Variants in RAB27A observed in about 807,000 individuals in gnomAD.
The protein encoded by RAB27A is ras-related protein Rab-27A.
Under a neutral mutation model 20.8 loss-of-function variants are expected in RAB27A, and 17 were observed. The observed-to-expected ratio is 0.82, with a 90% CI of 0.56 to 1.23. The LOEUF (loss-of-function observed/expected upper bound fraction) is 1.23, where lower values mean the gene tolerates loss of function less well. Among genes scored for constraint, RAB27A ranks in the 50% most tolerant of loss-of-function variants. The pLI is 0.00. For synonymous variants in RAB27A, 85 were observed against 92.8 expected (o/e 0.92, Z 0.48); for missense variants, 277 against 266.7 (o/e 1.04, Z -0.27).
At chr15:55,297,744 T>C (rs1192736484) in intron 2 of RAB27A, among the ~76,000 whole-genome samples, 1 of 152,234 alleles carries the variant, frequency 6.6e-6, no homozygotes, top group African/African-American at 2.4e-5. Context: ...CAGCCAGCCC[T>C]GATAGTAGTA....
rs985695703 is a variant in RAB27A, at chr15:55,316,547, TTACAAACC to T, written c.-234+2376_-234+2383del. Among the ~76,000 whole-genome samples the T allele has an allele frequency of 1.5e-4, 23 of 151,810 alleles. 1 individual carries two copies. Among genetic ancestry groups the T allele is most frequent in the African/African-American group, 5.6e-4 (23 of 41,286 alleles). ...ACACCATGGCACATGTATATCTATG[TTACAAACC>T]TGCACGTTCAGCACATGTATCCCAG... On this transcript the variant is annotated intron_variant, in intron 1 of 5. Coordinates refer to the RAB27A transcript ENST00000563262.
intron 3 of RAB27A, among the ~76,000 whole-genome samples, chr15:55,233,613 G>A (rs1896134540): frequency 6.6e-6 from 1 of 152,154 alleles, no homozygotes; most frequent in African/African-American, 2.4e-5. Context: ...TATGGTGTGT[G>A]CAGAAGCCAT....
At chr15:55,309,813 CT>C (rs1301110523) in intron 2 of RAB27A, among the ~76,000 whole-genome samples, 1 of 152,094 alleles carries the variant, frequency 6.6e-6, no homozygotes, top group African/African-American at 2.4e-5. Flanking sequence ...GGTTTCTGTA[CT>C]CCTAAAATTG....
chr15:55,258,972 G>A (rs766680428), intron 2 of RAB27A, among the ~76,000 whole-genome samples: 4 of 151,952 alleles, frequency 2.6e-5, no homozygotes, highest in African/African-American at 9.7e-5. Context: ...CTACAAGCAC[G>A]CACCACCATA....
chr15:55,287,762 A>T (rs1189278749), intron 1 of RAB27A, among the ~76,000 whole-genome samples: 2 of 152,180 alleles, frequency 1.3e-5, no homozygotes, highest in East Asian at 3.9e-4. Flanking sequence ...AAAAAAAAAA[A>T]TTCATATGGA....
chr15:55,222,898 G>A (rs1895639741), intron 6 of RAB27A, among the ~76,000 whole-genome samples: 1 of 152,130 alleles, frequency 6.6e-6, no homozygotes, highest in Non-Finnish European at 1.5e-5. Flanking sequence ...GAGGCAGAAA[G>A]AAAGTAAAGT....
At chr15:55,286,782 G>A (rs1898165270) in intron 1 of RAB27A, among the ~76,000 whole-genome samples, 1 of 152,108 alleles carries the variant, frequency 6.6e-6, no homozygotes, top group Non-Finnish European at 1.5e-5. Context: ...TAAGAATAGA[G>A]TGTGGAGCAG....
chr15:55,212,549 T>G (rs1895075984), intron 6 of RAB27A, among the ~76,000 whole-genome samples: 1 of 126,218 alleles, frequency 7.9e-6, no homozygotes. Context: ...TTTTTTTTTT[T>G]GAGACAGTCT....
chr15:55,308,384 T>C (rs2055006970), intron 2 of RAB27A, among the ~76,000 whole-genome samples: 1 of 152,190 alleles, frequency 6.6e-6, no homozygotes. Flanking sequence ...GTATATATAT[T>C]TACCCTTTTT....
chr15:55,240,116 A>G (rs1896422313), intron 2 of RAB27A, among the ~76,000 whole-genome samples: 1 of 152,164 alleles, frequency 6.6e-6, no homozygotes, highest in Non-Finnish European at 1.5e-5. Context: ...TCTCTTATTT[A>G]TTATTCAAGT....
chr15:55,252,274 T>C (rs1896917622), intron 2 of RAB27A, among the ~76,000 whole-genome samples: 1 of 152,144 alleles, frequency 6.6e-6, no homozygotes. Context: ...ATTCAGGTGA[T>C]GGGTGCACTA....
chr15:55,223,434 G>C (rs541875287), intron 6 of RAB27A, among the ~76,000 whole-genome samples: 1 of 151,818 alleles, frequency 6.6e-6, no homozygotes, highest in East Asian at 1.9e-4. Flanking sequence ...GCTTGAACCC[G>C]GGAGGTGGAG....
intron 1 of RAB27A, among the ~76,000 whole-genome samples, chr15:55,287,043 C>T (rs943838246): frequency 6.6e-6 from 1 of 150,440 alleles, no homozygotes; most frequent in Non-Finnish European, 1.5e-5. Flanking sequence ...CCTCAGCCTC[C>T]TGAGTAGCTG....
At chr15:55,244,532 G>A (rs1896616100) in intron 2 of RAB27A, among the ~76,000 whole-genome samples, 2 of 152,002 alleles carry the variant, frequency 1.3e-5, no homozygotes, top group Non-Finnish European at 1.5e-5. Context: ...GCCCAGGCTG[G>A]TCTCAAACTC....
At chr15:55,258,817 A>G (rs939240905) in intron 2 of RAB27A, among the ~76,000 whole-genome samples, 1 of 151,616 alleles carries the variant, frequency 6.6e-6, no homozygotes, top group Non-Finnish European at 1.5e-5. Flanking sequence ...TCTTTCTCCT[A>G]TTTTTCTATT....
intron 1 of RAB27A, 115 bp downstream of exon 1, chr15:55,289,601 G>A (rs112157198): frequency 0.4 from 14,161 of 35,474 alleles, 913 homozygotes; most frequent in African/African-American, 0.5. Context: ...GAGGCGGGGA[G>A]GAAGGGCGGC....
chr15:55,223,292 G>A (rs913216774), intron 6 of RAB27A, among the ~76,000 whole-genome samples: 1 of 152,034 alleles, frequency 6.6e-6, no homozygotes, highest in Non-Finnish European at 1.5e-5. Context: ...GGGTCACAAG[G>A]TCAGGAGTTG....
At chr15:55,277,252 C>T (rs75600938) in intron 1 of RAB27A, among the ~76,000 whole-genome samples, 4,552 of 152,242 alleles carry the variant, frequency 0.03, 240 homozygotes, top group African/African-American at 0.1. Flanking sequence ...TACTGCAAGA[C>T]TTCAGTGGTT....
At chr15:55,283,123 G>C (rs997347236) in intron 1 of RAB27A, among the ~76,000 whole-genome samples, 1 of 152,090 alleles carries the variant, frequency 6.6e-6, no homozygotes, top group Non-Finnish European at 1.5e-5. Context: ...CGGCACTGTT[G>C]ACATTTTAGG....
Sources: gnomAD v4.1 joint callset for allele counts (sites outside exome capture counted in the v4.1 genomes callset) on GRCh38, gnomAD v4.1.1 for gene constraint, MANE v1.5 for transcripts, NCBI Gene and HGNC (gene_info 2026-07-23, HGNC 2026-07-21) for gene names.